Variants in LRRC4B observed in about 807,000 individuals in gnomAD.
LRRC4B encodes the protein leucine-rich repeat-containing protein 4B.
Under a neutral mutation model 7.3 loss-of-function variants are expected in LRRC4B, and 1 was observed. That is an observed-to-expected ratio of 0.14 (90% CI 0.05 to 0.65). LRRC4B has a LOEUF of 0.65. Among genes scored for constraint, LRRC4B ranks in the 30% least tolerant of loss-of-function variants. The probability of loss-of-function intolerance (pLI) is 0.84; values close to 1 mark genes in which losing one functional copy is unlikely to be tolerated. For missense variants in LRRC4B, 730 were observed against 1,041.6 expected, an observed-to-expected ratio of 0.70 and a Z score of 4.12; for synonymous variants, 500 against 499.2, an observed-to-expected ratio of 1.00 and a Z score of -0.02.
At chr19:50,539,594 T>C (rs1981453485) in intron 2 of LRRC4B, among the ~76,000 whole-genome samples, 1 of 152,002 alleles carries the variant, frequency 6.6e-6, no homozygotes, top group Non-Finnish European at 1.5e-5. Flanking sequence ...TTGTTCTGAT[T>C]ATAAAAGTTA....
chr19:50,546,895 G>T (rs1358424610), intron 2 of LRRC4B, among the ~76,000 whole-genome samples: 1 of 152,194 alleles, frequency 6.6e-6, no homozygotes, highest in Non-Finnish European at 1.5e-5. Flanking sequence ...CCAGCCACTG[G>T]CTCCTTTTCC....
rs1001499223 is a variant in LRRC4B, at chr19:50,537,531, G to C, written c.297+11011C>G. 6.6e-6 allele frequency among the ~76,000 whole-genome samples: 1 copy of C among 152,164 alleles called. No individual in the cohort carries two copies. The highest frequency in any genetic ancestry group is 1.5e-5 in the Non-Finnish European group (1 of 68,024). On this transcript the variant is annotated intron_variant, in intron 2 of 2. Transcript: ENST00000652263. The surrounding 1 kb of genome is among the most constrained non-coding windows in gnomAD (Gnocchi z 5.5). ...GGTCTTGTGCCTCTCAGGACTCGCAGGCTGCTCAACAGAGATGTGGGACTG... is the reference window on the plus strand; with the variant it reads ...GGTCTTGTGCCTCTCAGGACTCGCACGCTGCTCAACAGAGATGTGGGACTG...
In LRRC4B at chr19:50,556,068, C is replaced by A. The variant is rs1056200619; in HGVS notation, c.-35-7195G>T. ...CTGAATGCTTTCAAAATAAAAGCAG[C>A]CCCACAGCGCCGAGAATTGTCAGGC... On this transcript the variant is annotated intron_variant, in intron 1 of 2. Transcript: ENST00000652263. The surrounding 1 kb of genome is among the most constrained non-coding windows in gnomAD (Gnocchi z 4.2). Among the ~76,000 whole-genome samples, 1 of 152,096 alleles carries A rather than the reference C, an allele frequency of 6.6e-6. No individual in the cohort carries two copies. Among genetic ancestry groups the A allele is most frequent in the African/African-American group, 2.4e-5 (1 of 41,406 alleles).
rs1980505313 is a variant in LRRC4B at position 50,520,227 on chromosome 19, AAAAAAAAAAAAAAAAAAAAAGAAG to A, written c.298-836_298-813del. On this transcript the variant is annotated intron_variant, in intron 2 of 2. Transcript: ENST00000652263. ...TCAAAAAAAAAAAAAAAAAAAAAAA[AAAAAAAAAAAAAAAAAAAAAGAAG>A]AAAAGAAAAGAAAAATGAACAAACA... Among the ~76,000 whole-genome samples the A allele has an allele frequency of 7.3e-5, 5 of 68,456 alleles. 1 individual carries two copies. Among genetic ancestry groups the A allele is most frequent in the African/African-American group, 2.4e-4 (4 of 16,850 alleles). 44.9% of individuals were successfully genotyped at this position (68,456 alleles called of 152,430 possible). A position where few individuals can be genotyped will look rare whatever the true frequency, so the allele number is the denominator to read the frequency against.
intron 1 of LRRC4B, among the ~76,000 whole-genome samples, chr19:50,566,440 C>T (rs1164791183): frequency 6.6e-6 from 1 of 151,460 alleles, no homozygotes; most frequent in African/African-American, 2.4e-5. Context: ...GGGCTCTCCC[C>T]AGGGGAATTC....
intron 1 of LRRC4B, among the ~76,000 whole-genome samples, chr19:50,549,638 A>G (rs1019007002): frequency 6.6e-6 from 1 of 152,230 alleles, no homozygotes; most frequent in East Asian, 1.9e-4. Flanking sequence ...TGGAGGTGAC[A>G]GGTGTGGGCA....
At chr19:50,528,176 G>C (rs1980900296) in intron 2 of LRRC4B, among the ~76,000 whole-genome samples, 1 of 152,084 alleles carries the variant, frequency 6.6e-6, no homozygotes, top group South Asian at 2.1e-4. Context: ...CCAAGTAGCT[G>C]GGACTAAAGG....
At chr19:50,543,052 G>A (rs571626867) in intron 2 of LRRC4B, among the ~76,000 whole-genome samples, 4 of 150,806 alleles carry the variant, frequency 2.7e-5, no homozygotes, top group South Asian at 4.2e-4. Context: ...AGGGATTCGC[G>A]TCGGCTCCCA....
intron 1 of LRRC4B, among the ~76,000 whole-genome samples, chr19:50,560,216 G>A (rs1178578055): frequency 6.6e-6 from 1 of 152,116 alleles, no homozygotes; most frequent in Non-Finnish European, 1.5e-5. Flanking sequence ...TTTCCCAGGG[G>A]ATGCAGGTCT....
chr19:50,525,489 TCCA>T (rs1392545222), intron 2 of LRRC4B, among the ~76,000 whole-genome samples: 3 of 149,626 alleles, frequency 2.0e-5, no homozygotes, highest in African/African-American at 7.4e-5. Flanking sequence ...CACTGCAACC[TCCA>T]CCTCCCGGGT....
At chr19:50,550,396 C>G (rs189260711) in intron 1 of LRRC4B, among the ~76,000 whole-genome samples, 1 of 152,024 alleles carries the variant, frequency 6.6e-6, no homozygotes, top group African/African-American at 2.4e-5. Context: ...CACACAAACA[C>G]GCACACCGAC....
chr19:50,548,176 G>T lies in LRRC4B; in HGVS notation c.297+366C>A, dbSNP rs150052275. On this transcript the variant is annotated intron_variant, in intron 2 of 2. Transcript: ENST00000652263. This position sits in a 1 kb window ranked among gnomAD's most constrained non-coding sequence, Gnocchi z 6.8. ...CGTCACCTTCCCAAGGCCACGAGAG[G>T]GTGTGGTGGTGCAGATGCCACAGGG... Among the ~76,000 whole-genome samples the T allele has an allele frequency of 6.6e-6, 1 of 152,302 alleles. No individual in the cohort carries two copies. Among genetic ancestry groups the T allele is most frequent in the African/African-American group, 2.4e-5 (1 of 41,566 alleles).
chr19:50,563,205 T>C lies in LRRC4B; in HGVS notation c.-36+4739A>G, dbSNP rs1376295131. Among the ~76,000 whole-genome samples the C allele has an allele frequency of 6.6e-6, 1 of 152,028 alleles. No individual in the cohort carries two copies. The highest frequency in any genetic ancestry group is 2.4e-5 in the African/African-American group (1 of 41,404). On this transcript the variant is annotated intron_variant, in intron 1 of 2. Transcript: ENST00000652263. The surrounding 1 kb of genome is among the most constrained non-coding windows in gnomAD (Gnocchi z 4.9). ...TCTCGTGGGTCTCCAAGGCAGCCCC[T>C]CCACCTCTGCCTGCCATGACAACAG...
chr19:50,522,366 T>C (rs1430404545), intron 2 of LRRC4B, among the ~76,000 whole-genome samples: 1 of 152,126 alleles, frequency 6.6e-6, no homozygotes, highest in African/African-American at 2.4e-5. Flanking sequence ...CCAAAATTCT[T>C]AAGGCCCTAA....
At chr19:50,526,302 T>A (rs985140657) in intron 2 of LRRC4B, among the ~76,000 whole-genome samples, 2 of 152,146 alleles carry the variant, frequency 1.3e-5, no homozygotes, top group African/African-American at 4.8e-5. Context: ...CACTCTTGCC[T>A]CTGGCCTTTG....
chr19:50,533,681 G>GA (rs1179122318), intron 2 of LRRC4B, among the ~76,000 whole-genome samples: 2 of 152,164 alleles, frequency 1.3e-5, no homozygotes, highest in African/African-American at 4.8e-5. Flanking sequence ...AAAAGGGGGG[G>GA]AATCATAATT....
intron 1 of LRRC4B, among the ~76,000 whole-genome samples, chr19:50,562,843 C>T (rs961193820): frequency 1.3e-5 from 2 of 151,212 alleles, no homozygotes; most frequent in Non-Finnish European, 1.5e-5. Flanking sequence ...CGGGTTCAAG[C>T]GATTCTCCTG....
rs980501186 is a variant in LRRC4B, at chr19:50,519,345, C to T, written c.368G>A (p.Arg123His). The change falls in exon 3 of 3, where the codon CGC (arginine) becomes CAC (histidine). Residue 123 changes from arginine (R) to histidine (H), a missense_variant. Arg to His is a conservative substitution (Grantham distance 29). Transcript: ENST00000652263. The surrounding 1 kb of genome is among the most constrained non-coding windows in gnomAD (Gnocchi z 8.1). ...EILQLSKNLV[R>H]KIEVGAFNGL... ...GTTGAAGGCGCCCACCTCGATCTTGCGCACCAGGTTCTTGCTCAGCTGCAG... is the reference window on the plus strand; with the variant it reads ...GTTGAAGGCGCCCACCTCGATCTTGTGCACCAGGTTCTTGCTCAGCTGCAG... 6.2e-7 allele frequency: 1 copy of T among 1,611,950 alleles called. No individual in the cohort carries two copies. The highest frequency in any genetic ancestry group is 1.1e-5 in the South Asian group (1 of 91,082).
rs1980437673 is a variant in LRRC4B at position 50,519,093 on chromosome 19, A to G, written c.620T>C (p.Val207Ala). 7.5e-6 allele frequency: 12 copies of G among 1,609,044 alleles called. No individual in the cohort carries two copies. The highest frequency in any genetic ancestry group is 8.5e-7 in the Non-Finnish European group (1 of 1,179,890). The change falls in exon 3 of 3, where the codon GTC becomes GCC. Residue 207 changes from valine (V) to alanine (A), a missense_variant. Physicochemically the swap from Val to Ala is moderately conservative, Grantham distance 64. This residue lies in a region of LRRC4B where 226 missense variants were observed against 448.0 expected (regional missense o/e 0.50). Transcript: ENST00000652263. This position sits in a 1 kb window ranked among gnomAD's most constrained non-coding sequence, Gnocchi z 8.1. ...GCCCAGGTTGAGGTAGCGCAGGTTG[A>G]CCAGCCCCTCGAAGGCCGCCTCCGA... The part of the protein sequence containing the change: ...YISEAAFEGL[V>A]NLRYLNLGMC...
Sources: allele counts gnomAD v4.1 joint callset (sites outside exome capture counted in the v4.1 genomes callset), GRCh38; gene constraint gnomAD v4.1.1; regional missense constraint gnomAD v4.1.1; non-coding constraint Gnocchi (gnomAD v3.1); transcripts MANE v1.5; gene names NCBI Gene and HGNC (gene_info 2026-07-23, HGNC 2026-07-21).